Variants in PCDH11X observed in about 807,000 individuals in gnomAD.
PCDH11X encodes protocadherin-11 X-linked.
In PCDH11X, 18 loss-of-function variants were observed where a neutral mutation model predicts 53.3. The observed-to-expected ratio is 0.34, with a 90% confidence interval of 0.23 to 0.50. The LOEUF (loss-of-function observed/expected upper bound fraction) is 0.50. PCDH11X is among the 20% of genes least tolerant of loss of function. The probability of loss-of-function intolerance (pLI) is 0.98; values close to 1 mark genes in which losing one functional copy is unlikely to be tolerated. For synonymous variants in PCDH11X, 279 were observed against 393.3 expected, an observed-to-expected ratio of 0.71 and a Z score of 3.44; for missense variants, 570 against 1,032.4, an observed-to-expected ratio of 0.55 and a Z score of 6.14.
intron 6 of PCDH11X, among the ~76,000 whole-genome samples, chrX:91,903,660 T>TGC (rs1569434824): frequency 9.4e-6 from 1 of 106,425 alleles, no homozygotes; most frequent in African/African-American, 3.4e-5. Flanking sequence ...TATGTGCGTG[T>TGC]GTGTGTGTGT....
intron 7 of PCDH11X, among the ~76,000 whole-genome samples, chrX:92,207,583 A>G (rs1032289171): frequency 6.0e-4 from 67 of 112,321 alleles, no homozygotes; most frequent in African/African-American, 2.0e-3. Context: ...TTTAGACAAT[A>G]TCTTGGCTAC....
chrX:91,982,341 T>C (rs2062152649), intron 6 of PCDH11X, among the ~76,000 whole-genome samples: 1 of 108,417 alleles, frequency 9.2e-6, no homozygotes, highest in Non-Finnish European at 1.9e-5. Context: ...ATTTACTCAA[T>C]ATGAACTTAC....
Position 92,485,754 on chromosome X carries a change from C to G in PCDH11X, c.3367+17432C>G, listed in dbSNP as rs1467624134. Among the ~76,000 whole-genome samples the G allele has an allele frequency of 3.6e-5, 4 of 111,330 alleles. No homozygotes were observed. In the East Asian group the frequency reaches 1.1e-3, roughly 32 times the overall value. The stretch of plus-strand genomic sequence containing the variant: ...AGAGCTGAAAATGTAGAGCTGAAAG[C>G]CTCTTCAGCCTGCCTATTGAATTAG... On this transcript the variant is annotated intron_variant, in intron 10 of 10. Coordinates refer to ENST00000682573, the MANE Select transcript of PCDH11X (RefSeq NM_032968.5).
At chrX:92,486,650 T>G (rs2073646866) in intron 10 of PCDH11X, among the ~76,000 whole-genome samples, 1 of 111,812 alleles carries the variant, frequency 8.9e-6, no homozygotes, top group Non-Finnish European at 1.9e-5. Flanking sequence ...GCATCATAAT[T>G]AATAATTGAT....
At chrX:92,074,388 T>C (rs2063745523) in intron 6 of PCDH11X, among the ~76,000 whole-genome samples, 1 of 110,715 alleles carries the variant, frequency 9.0e-6, no homozygotes, top group Non-Finnish European at 1.9e-5. Flanking sequence ...GTAGTAAAGT[T>C]AGACATTTTC....
chrX:92,120,393 C>T (rs1181679877), intron 6 of PCDH11X, among the ~76,000 whole-genome samples: 4 of 111,759 alleles, frequency 3.6e-5, no homozygotes, highest in African/African-American at 1.3e-4. Flanking sequence ...CTCCTGACCT[C>T]GTGATCCACC....
chrX:91,920,623 T>A (rs1225357978), intron 6 of PCDH11X, among the ~76,000 whole-genome samples: 1 of 111,589 alleles, frequency 9.0e-6, no homozygotes, highest in Non-Finnish European at 1.9e-5. Flanking sequence ...GTGTCTTTAT[T>A]GTTGTTATAA....
intron 1 of PCDH11X, among the ~76,000 whole-genome samples, 162 bp from the exon 2 acceptor site, chrX:91,809,304 C>T (rs1936222726): frequency 9.0e-6 from 1 of 110,738 alleles, no homozygotes; most frequent in Admixed American, 9.7e-5. Flanking sequence ...TTTCATGAAC[C>T]TCTTCTTAAT....
At chrX:92,207,512 G>C (rs753587491) in intron 7 of PCDH11X, among the ~76,000 whole-genome samples, 1 of 111,484 alleles carries the variant, frequency 9.0e-6, no homozygotes, top group Non-Finnish European at 1.9e-5. Context: ...CTATGACATT[G>C]AATGGCAATT....
chrX:91,818,546 A>T (rs1296701827), intron 4 of PCDH11X, among the ~76,000 whole-genome samples: 1 of 108,642 alleles, frequency 9.2e-6, no homozygotes, highest in African/African-American at 3.4e-5. Flanking sequence ...AAAAAAAAAA[A>T]TACAAAAAAT....
At chrX:91,821,709 T>C (rs1252308707) in intron 4 of PCDH11X, among the ~76,000 whole-genome samples, 1 of 103,635 alleles carries the variant, frequency 9.6e-6, no homozygotes, top group Non-Finnish European at 1.9e-5. Context: ...TCCAACACTA[T>C]GTTGAATAGG....
chrX:92,481,031 G>A (rs889988420), intron 10 of PCDH11X, among the ~76,000 whole-genome samples: 31 of 110,706 alleles, frequency 2.8e-4, no homozygotes, highest in African/African-American at 8.6e-4. Flanking sequence ...AGGGCTGGAC[G>A]CTGTCAGGTG....
chrX:92,158,900 C>T (rs778178716), intron 6 of PCDH11X, among the ~76,000 whole-genome samples: 1 of 111,884 alleles, frequency 8.9e-6, no homozygotes, highest in African/African-American at 3.2e-5. Flanking sequence ...TCCCAAAGTG[C>T]TGGGATTACA....
intron 10 of PCDH11X, among the ~76,000 whole-genome samples, chrX:92,470,921 T>C (rs2073249255): frequency 9.1e-6 from 1 of 109,691 alleles, no homozygotes; most frequent in African/African-American, 3.3e-5. Context: ...TTCTGATATG[T>C]TGTTGGTTTT....
intron 10 of PCDH11X, among the ~76,000 whole-genome samples, chrX:92,591,039 G>A (rs915234375): frequency 4.5e-5 from 5 of 111,605 alleles, no homozygotes; most frequent in Non-Finnish European, 9.4e-5. Flanking sequence ...GTTCAGCAAG[G>A]TGACTAATGT....
At chrX:92,130,509 C>T (rs1201222363) in intron 6 of PCDH11X, among the ~76,000 whole-genome samples, 1 of 109,185 alleles carries the variant, frequency 9.2e-6, no homozygotes, top group Non-Finnish European at 1.9e-5. Flanking sequence ...ATTAGCCAGG[C>T]ATGATGGCAC....
chrX:92,289,030 G>A (rs1286692622), intron 8 of PCDH11X, among the ~76,000 whole-genome samples: 1 of 111,429 alleles, frequency 9.0e-6, no homozygotes, highest in South Asian at 3.7e-4. Flanking sequence ...AATAGACTAT[G>A]AGTATTTTGT....
chrX:92,220,697 G>A (rs1259212361), intron 7 of PCDH11X, among the ~76,000 whole-genome samples: 1 of 110,004 alleles, frequency 9.1e-6, no homozygotes, highest in Non-Finnish European at 1.9e-5. Context: ...CCCCATTACT[G>A]GATATATACC....
chrX:92,575,413 A>G (rs1373009077), intron 10 of PCDH11X, among the ~76,000 whole-genome samples: 1 of 110,160 alleles, frequency 9.1e-6, no homozygotes, highest in Non-Finnish European at 1.9e-5. Context: ...AAATTTAATA[A>G]TTTTTATATG....
Sources: allele counts gnomAD v4.1 joint callset (sites outside exome capture counted in the v4.1 genomes callset), GRCh38; gene constraint gnomAD v4.1.1; transcripts MANE v1.5; gene names NCBI Gene and HGNC (gene_info 2026-07-23, HGNC 2026-07-21).